Variants in SUSD2 observed in about 807,000 individuals in gnomAD.
SUSD2 encodes the protein sushi domain containing 2.
Under a neutral mutation model 93.8 loss-of-function variants are expected in SUSD2, and 86 were observed. The ratio of observed to expected loss-of-function variants is 0.92; its 90% confidence interval spans 0.77 to 1.10. The LOEUF is 1.10. Ranked by LOEUF, SUSD2 falls within the 50% of genes least tolerant of loss-of-function variation. SUSD2 has a pLI of 0.00. For synonymous variants in SUSD2, 483 were observed against 485.0 expected, an observed-to-expected ratio of 1.00 and a Z score of 0.05; for missense variants, 1,060 against 1,137.0, an observed-to-expected ratio of 0.93 and a Z score of 0.97.
At chr22:24,187,017 C>A in intron 10 of SUSD2, 185 bp from the exon 11 acceptor site, 1 of 707,586 alleles carries the variant, frequency 1.4e-6, no homozygotes, top group Non-Finnish European at 2.3e-6. Context: ...GCTGGGAGTT[C>A]CACCGCAAGC....
chr22:24,185,073 C>A (rs772899859), intron 5 of SUSD2, 21 bp from the exon 6 acceptor site: 2 of 1,612,658 alleles, frequency 1.2e-6, no homozygotes, highest in South Asian at 2.2e-5. Context: ...TGGCCCAGCT[C>A]CAGCATCATC....
intron 11 of SUSD2, 34 bp downstream of exon 11, chr22:24,187,484 G>A (rs772593722): frequency 6.2e-7 from 1 of 1,607,886 alleles, no homozygotes; most frequent in South Asian, 1.1e-5. Flanking sequence ...GGCAGACGGG[G>A]TGGGGGTTAC....
rs756754262 is a variant in SUSD2, at chr22:24,185,487, C to T, written c.986C>T (p.Thr329Met). 8.0e-5 allele frequency: 125 copies of T among 1,561,038 alleles called. No homozygotes were observed. Among genetic ancestry groups the T allele is most frequent in the Non-Finnish European group, 8.2e-5 (95 of 1,152,424 alleles). Residue 329 changes from threonine (T) to methionine (M), a missense_variant and splice_region_variant, in exon 7 of 15, where the codon ACG becomes ATG. Around this residue, in one of 2 missense-constraint regions of SUSD2, gnomAD observed 973 missense variants for 1,005.3 expected, o/e 0.97. Coordinates refer to ENST00000358321, the MANE Select transcript of SUSD2 (RefSeq NM_019601.4). ...TGACAGCCACCTGCTGCTCTGCAGA[C>T]GGACTACGGCTGTGACATGGAGCAG... ...QARADSGRFF[T>M]DYGCDMEQGS...
In SUSD2 at chr22:24,186,035, A is replaced by G. The variant is rs764831779; in HGVS notation, c.1359A>G (p.Pro453=). ...PPRLASAFGD[P]HFVTFDGTNF... Reference sequence around the variant, plus strand: ...CCCTAGCCTCCGCCTTCGGAGACCCACACTTTGTGACCTTCGACGGCACCA... The same window carrying G: ...CCCTAGCCTCCGCCTTCGGAGACCCGCACTTTGTGACCTTCGACGGCACCA... Residue 453 remains proline, a synonymous_variant, in exon 9 of 15, where the codon CCA becomes CCG. Transcript: ENST00000358321. The G allele has an allele frequency of 2.5e-6, 4 of 1,610,936 alleles. No individual in the cohort carries two copies. The highest frequency in any genetic ancestry group is 3.4e-6 in the Non-Finnish European group (4 of 1,178,544).
chr22:24,185,730 C>G lies in SUSD2; in HGVS notation c.1140C>G (p.Ser380=). Residue 380 remains serine (S), a synonymous_variant, in exon 8 of 15, where the codon TCC becomes TCG. Transcript: ENST00000358321. The part of the protein sequence containing the change: ...ADGTQLLTAD[S]SGGSTPDRGH... ...GGACGCAGCTCCTGACAGCTGACTC[C>G]AGCGGCGGCAGCACTCCCGACCGCG... 1 of 1,609,514 alleles carries G rather than the reference C, an allele frequency of 6.2e-7. No homozygotes were observed. Among genetic ancestry groups the G allele is most frequent in the Non-Finnish European group, 8.5e-7 (1 of 1,178,918 alleles).
Position 24,188,058 on chromosome 22 carries a change from A to G in SUSD2, c.2264A>G (p.Tyr755Cys), listed in dbSNP as rs754238872. 16 of 1,612,716 alleles carry G rather than the reference A, an allele frequency of 9.9e-6. No individual in the cohort carries two copies. In the Admixed American group the frequency reaches 2.7e-4, roughly 27 times the overall value. Residue 755 changes from tyrosine to cysteine, a missense_variant, in exon 13 of 15, where the codon TAC (tyrosine) becomes TGC (cysteine). This residue lies in a region of SUSD2 where 973 missense variants were observed against 1,005.3 expected (regional missense o/e 0.97). Transcript: ENST00000358321. The surrounding 1 kb of genome is among the most constrained non-coding windows in gnomAD (Gnocchi z 4.7). ...ATCTACTTCCACTGTGACAACGGCT[A>G]CAGCCTGGCCGGGGCAGAGACCAGC... ...STIYFHCDNGYSLAGAETSTC... is the reference protein window; with the variant it reads ...STIYFHCDNGCSLAGAETSTC...
chr22:24,186,191 G>T (rs1217916708), intron 9 of SUSD2, 32 bp downstream of exon 9: 4 of 1,608,236 alleles, frequency 2.5e-6, no homozygotes, highest in Non-Finnish European at 2.5e-6. Flanking sequence ...GCTCTGGTTG[G>T]CATGGGGTAG....
chr22:24,188,398 C>G lies in SUSD2; in HGVS notation c.2445-14C>G. Reference sequence around the variant, plus strand: ...GGACCACCGAGGCTACTTCTAACTGCGTTTCTGTTGCAGGCACGTCTGGGG... The same window carrying G: ...GGACCACCGAGGCTACTTCTAACTGGGTTTCTGTTGCAGGCACGTCTGGGG... On this transcript the variant is annotated splice_polypyrimidine_tract_variant and intron_variant, in intron 14 of 14. Transcript: ENST00000358321. This position sits in a 1 kb window ranked among gnomAD's most constrained non-coding sequence, Gnocchi z 4.7. The G allele has an allele frequency of 1.2e-6, 2 of 1,611,736 alleles. No individual in the cohort carries two copies. Among genetic ancestry groups the G allele is most frequent in the Middle Eastern group, 1.7e-4 (1 of 6,058 alleles).
At position 24,187,815 on chromosome 22, in the gene SUSD2, C is replaced by T; in HGVS notation, c.2136C>T (p.His712=). ...CCACTCGGGTGGCCCACCAGCTGCA[C>T]CAGCGTCGCATGCAGAGCCTGCAGC... is the stretch of plus-strand genomic sequence containing the variant. The part of the protein sequence containing the change: ...GTATRVAHQL[H]QRRMQSLQPV... The change falls in exon 12 of 15, where the codon CAC becomes CAT. Residue 712 remains histidine (H), a synonymous_variant. Coordinates refer to ENST00000358321, the MANE Select transcript of SUSD2 (RefSeq NM_019601.4). 6.2e-7 allele frequency: 1 copy of T among 1,613,182 alleles called. No individual in the cohort carries two copies. Among genetic ancestry groups the T allele is most frequent in the Non-Finnish European group, 8.5e-7 (1 of 1,179,734 alleles).
At chr22:24,183,375 C>A in intron 2 of SUSD2, 108 bp downstream of exon 2, 1 of 1,527,734 alleles carries the variant, frequency 6.5e-7, no homozygotes, top group Non-Finnish European at 8.9e-7. Context: ...GGACCCAGGA[C>A]AGGCAGGAGG....
At chr22:24,181,719 G>C in intron 1 of SUSD2, 124 bp downstream of exon 1, 1 of 764,994 alleles carries the variant, frequency 1.3e-6, no homozygotes, top group African/African-American at 1.8e-5. Context: ...CTGTGCTAGG[G>C]GTGATGGGAA....
At chr22:24,184,647 C>CCCTCCTAAGGGGA in intron 4 of SUSD2, 119 bp from the exon 5 acceptor site, 2 of 800,590 alleles carry the variant, frequency 2.5e-6, no homozygotes, top group Non-Finnish European at 4.0e-6. Flanking sequence ...CTAGAACAGC[C>CCCTCCTAAGGGGA]CCTCCTAAGG....
At chr22:24,184,738 A>G in intron 4 of SUSD2, 28 bp from the exon 5 acceptor site, 1 of 1,545,720 alleles carries the variant, frequency 6.5e-7, no homozygotes, top group South Asian at 1.2e-5. Flanking sequence ...AAGGAACCCC[A>G]GGGCTAACCA....
In SUSD2 at chr22:24,187,663, G is replaced by C; in HGVS notation, c.1984G>C (p.Glu662Gln). The C allele has an allele frequency of 1.2e-6, 2 of 1,613,996 alleles. No homozygotes were observed. Among genetic ancestry groups the C allele is most frequent in the Non-Finnish European group, 1.7e-6 (2 of 1,180,020 alleles). Residue 662 changes from glutamate to glutamine, a missense_variant, in exon 12 of 15, where the codon GAG (glutamate) becomes CAG (glutamine). Glu to Gln is a conservative substitution (Grantham distance 29). Transcript: ENST00000358321. ...LYQPKHDPTF[E>Q]PLFPSETTLN... ...CCAACCCAAGCACGACCCCACCTTC[G>C]AGCCCCTCTTCCCCAGTGAGACCAC... is the stretch of plus-strand genomic sequence containing the variant.
chr22:24,188,256 C>G lies in SUSD2; in HGVS notation c.2373C>G (p.Ile791Met), dbSNP rs2047384097. 2 of 1,604,718 alleles carry G rather than the reference C, an allele frequency of 1.2e-6. No individual in the cohort carries two copies. Among genetic ancestry groups the G allele is most frequent in the Non-Finnish European group, 1.7e-6 (2 of 1,174,644 alleles). Residue 791 changes from isoleucine (I) to methionine (M), a missense_variant, in exon 14 of 15, where the codon ATC (isoleucine) becomes ATG (methionine). By Grantham distance (10) the Ile-to-Met change is conservative. Transcript: ENST00000358321. The surrounding 1 kb of genome is among the most constrained non-coding windows in gnomAD (Gnocchi z 4.7). ...GRSYAVLLGI[I>M]FGGLAVVAAV... ...GCTACGCGGTGCTGTTGGGCATCAT[C>G]TTTGGGGGCCTCGCGGTGGTGGCGG...
rs770105030 is a variant in SUSD2 at position 24,188,269 on chromosome 22, G to A, written c.2386G>A (p.Ala796Thr). 2.9e-5 allele frequency: 47 copies of A among 1,604,662 alleles called. 1 individual carries two copies. Among genetic ancestry groups the A allele is most frequent in the African/African-American group, 1.6e-4 (12 of 74,794 alleles). The change falls in exon 14 of 15, where the codon GCG (alanine) becomes ACG (threonine). Residue 796 changes from alanine (A) to threonine (T), a missense_variant. Ala to Thr is a moderately conservative substitution (Grantham distance 58). Transcript: ENST00000358321. The surrounding 1 kb of genome is among the most constrained non-coding windows in gnomAD (Gnocchi z 4.7). ...VLLGIIFGGLAVVAAVALVYV... is the reference protein window; with the variant it reads ...VLLGIIFGGLTVVAAVALVYV... ...GTTGGGCATCATCTTTGGGGGCCTC[G>A]CGGTGGTGGCGGCGGTTGCGCTCGT...
chr22:24,186,123 G>A lies in SUSD2; in HGVS notation c.1447G>A (p.Val483Met), dbSNP rs986781968. The stretch of plus-strand genomic sequence containing the variant: ...GGAGGCAGCGCTGACCGACCTGAGG[G>A]TGCAGGCGCGGGCCCAGCCCGGGAC... The part of the protein sequence containing the change: ...LLEAALTDLR[V>M]QARAQPGTMS... Residue 483 changes from valine to methionine, a missense_variant, in exon 9 of 15, where the codon GTG (valine) becomes ATG (methionine). Around this residue, in one of 2 missense-constraint regions of SUSD2, gnomAD observed 973 missense variants for 1,005.3 expected, o/e 0.97. Coordinates refer to ENST00000358321, the MANE Select transcript of SUSD2 (RefSeq NM_019601.4). The A allele has an allele frequency of 9.9e-6, 16 of 1,611,878 alleles. No homozygotes were observed. The African/African-American group carries it at 2.1e-4, about 22-fold the overall frequency.
intron 5 of SUSD2, 27 bp downstream of exon 5, chr22:24,184,967 T>C: frequency 6.2e-7 from 1 of 1,612,384 alleles, no homozygotes; most frequent in Non-Finnish European, 8.5e-7. Flanking sequence ...GTGCAGGTGA[T>C]GGCTGGAGGG....
chr22:24,188,433 C>G lies in SUSD2; in HGVS notation c.2466C>G (p.Pro822=). 6.2e-7 allele frequency: 1 copy of G among 1,610,404 alleles called. No individual in the cohort carries two copies. The highest frequency in any genetic ancestry group is 1.1e-5 in the South Asian group (1 of 91,072). The change falls in exon 15 of 15, where the codon CCC becomes CCG. Residue 822 remains proline (P), a synonymous_variant. Coordinates refer to ENST00000358321, the MANE Select transcript of SUSD2 (RefSeq NM_019601.4). The surrounding 1 kb of genome is among the most constrained non-coding windows in gnomAD (Gnocchi z 4.7). The part of the protein sequence containing the change: ...KGNTHVWGAQ[P] ...GCAGGCACGTCTGGGGTGCACAGCCCTGATGGGAGCAGCTTGGCTGTGAGC... is the reference window on the plus strand; with the variant it reads ...GCAGGCACGTCTGGGGTGCACAGCCGTGATGGGAGCAGCTTGGCTGTGAGC...
Sources: allele counts gnomAD v4.1 joint callset, GRCh38; gene constraint gnomAD v4.1.1; regional missense constraint gnomAD v4.1.1; non-coding constraint Gnocchi (gnomAD v3.1); transcripts MANE v1.5; gene names NCBI Gene and HGNC (gene_info 2026-07-23, HGNC 2026-07-21).